The following RCC2 variants were observed in gnomAD, a reference collection of about 807,000 sequenced individuals.
RCC2 encodes protein RCC2.
Under a neutral mutation model 64.1 loss-of-function variants are expected in RCC2, and 19 were observed. The ratio of observed to expected loss-of-function variants is 0.30; its 90% CI spans 0.21 to 0.44. The LOEUF (loss-of-function observed/expected upper bound fraction) is 0.44. Among genes scored for constraint, RCC2 ranks in the 20% least tolerant of loss-of-function variants. The pLI is 1.00. For synonymous variants in RCC2, 325 were observed against 279.6 expected, an observed-to-expected ratio of 1.16 and a Z score of -1.62; for missense variants, 508 against 710.4, an observed-to-expected ratio of 0.72 and a Z score of 3.24.
rs775426603 is a variant in RCC2 at position 17,409,097 on chromosome 1, G to T, written c.1562C>A (p.Thr521Asn). 3.7e-6 allele frequency: 6 copies of T among 1,611,158 alleles called. No homozygotes were observed. The highest frequency in any genetic ancestry group is 5.1e-6 in the Non-Finnish European group (6 of 1,177,322). Residue 521 changes from threonine to asparagine, a missense_variant, in exon 13 of 13, where the codon ACC becomes AAC. Transcript: ENST00000375436. ...IKKLPEYNPR[T>N]L ...GAGGAGTCTCCGGGAGCATCAGAGG[G>T]TTCGGGGGTTGTATTCTGGCAGTTT...
intron 3 of RCC2, 80 bp downstream of exon 3, chr1:17,429,026 G>A: frequency 9.2e-7 from 1 of 1,086,650 alleles, no homozygotes; most frequent in Non-Finnish European, 1.4e-6. Context: ...TAAATGAAGG[G>A]AATACCTACC....
intron 8 of RCC2, among the ~76,000 whole-genome samples, chr1:17,415,549 A>C (rs1451667055): frequency 1.3e-5 from 2 of 150,146 alleles, no homozygotes; most frequent in African/African-American, 4.9e-5. Context: ...CATCTCTACT[A>C]AAAATACAAA....
chr1:17,429,931 C>T (rs888479262), intron 2 of RCC2, among the ~76,000 whole-genome samples: 6 of 152,206 alleles, frequency 3.9e-5, no homozygotes, highest in Admixed American at 3.9e-4. Flanking sequence ...AACACAAAGT[C>T]ATCAGGGCCA....
At chr1:17,430,614 C>T (rs1373078001) in intron 2 of RCC2, among the ~76,000 whole-genome samples, 1 of 152,122 alleles carries the variant, frequency 6.6e-6, no homozygotes, top group African/African-American at 2.4e-5. Flanking sequence ...GGTAAAACCC[C>T]GTCTCTACTA....
At position 17,412,168 on chromosome 1, in the gene RCC2, T is replaced by C; in HGVS notation, c.1340A>G (p.Asp447Gly). 6.2e-7 allele frequency: 1 copy of C among 1,614,116 alleles called. No individual in the cohort carries two copies. Among genetic ancestry groups the C allele is most frequent in the Non-Finnish European group, 8.5e-7 (1 of 1,180,016 alleles). Residue 447 changes from aspartate (D) to glycine (G), a missense_variant, in exon 11 of 13, where the codon GAT becomes GGT. Asp to Gly is a moderately conservative substitution (Grantham distance 94). Around this residue, in one of 4 missense-constraint regions of RCC2, gnomAD observed 179 missense variants for 322.0 expected, o/e 0.56. Coordinates refer to ENST00000375436, the MANE Select transcript of RCC2 (RefSeq NM_018715.4). ...CGKSSIIVAA[D>G]ESTISWGPSP... ...CGGACCCCAGCTGATGGTGCTCTCA[T>C]CGGCGGCCACAATGATGCTGCTCTT...
chr1:17,427,860 C>T (rs1047785079), intron 3 of RCC2, among the ~76,000 whole-genome samples: 19 of 152,128 alleles, frequency 1.2e-4, no homozygotes, highest in Admixed American at 2.0e-4. Context: ...TCAAATTAAA[C>T]GCCCTGCAGC....
intron 2 of RCC2, among the ~76,000 whole-genome samples, chr1:17,431,840 C>T (rs535533780): frequency 1.1e-4 from 16 of 151,628 alleles, no homozygotes; most frequent in Non-Finnish European, 2.1e-4. Flanking sequence ...GCTCATGGCC[C>T]GTCATCCCAG....
intron 1 of RCC2, among the ~76,000 whole-genome samples, chr1:17,438,988 T>C (rs3121622): frequency 0.66 from 98,586 of 150,240 alleles, 32,546 homozygotes; most frequent in African/African-American, 0.72. Context: ...GTCTCCGCAG[T>C]CTCCCCCCAA....
intron 7 of RCC2, among the ~76,000 whole-genome samples, chr1:17,419,461 C>A (rs2100366600): frequency 6.6e-6 from 1 of 152,322 alleles, no homozygotes; most frequent in Admixed American, 6.5e-5. Context: ...GATTTAGGTT[C>A]ATTCTAAAAG....
intron 7 of RCC2, among the ~76,000 whole-genome samples, chr1:17,419,046 G>A (rs919809913): frequency 1.3e-5 from 2 of 152,100 alleles, no homozygotes; most frequent in Non-Finnish European, 2.9e-5. Flanking sequence ...AGGGGTGACA[G>A]CTCTTTAAAA....
chr1:17,438,534 C>G lies in RCC2; in HGVS notation c.-8-12G>C. 7.6e-7 allele frequency: 1 copy of G among 1,321,410 alleles called. No individual in the cohort carries two copies. The highest frequency in any genetic ancestry group is 9.6e-7 in the Non-Finnish European group (1 of 1,037,204). 81.9% of individuals were successfully genotyped at this position (1,321,410 alleles called of 1,614,324 possible). Reference sequence around the variant, plus strand: ...GGGCATGGTCGCGGCTGGAGGGAGACACGGGGCAGCGGCGCACAATGGACG... The same window carrying G: ...GGGCATGGTCGCGGCTGGAGGGAGAGACGGGGCAGCGGCGCACAATGGACG... On this transcript the variant is annotated splice_polypyrimidine_tract_variant and intron_variant, in intron 1 of 12. Transcript: ENST00000375436.
chr1:17,423,887 G>A (rs572330029), intron 4 of RCC2, among the ~76,000 whole-genome samples: 1 of 152,328 alleles, frequency 6.6e-6, no homozygotes, highest in East Asian at 1.9e-4. Context: ...CCTGGAGAAG[G>A]CTTGCAGGAG....
intron 1 of RCC2, 59 bp from the exon 2 acceptor site, chr1:17,438,581 A>C (rs1446815805): frequency 7.9e-7 from 1 of 1,262,792 alleles, no homozygotes; most frequent in Non-Finnish European, 1.0e-6. Context: ...GCGCGGGGGG[A>C]GGGGAGCGGA....
chr1:17,438,541 C>T lies in RCC2; in HGVS notation c.-8-19G>A. 7.6e-7 allele frequency: 1 copy of T among 1,308,946 alleles called. No individual in the cohort carries two copies. Among genetic ancestry groups the T allele is most frequent in the African/African-American group, 1.5e-5 (1 of 66,256 alleles). 81.1% of individuals were successfully genotyped at this position (1,308,946 alleles called of 1,614,324 possible). ...GTCGCGGCTGGAGGGAGACACGGGG[C>T]AGCGGCGCACAATGGACGGGTTATA... On this transcript the variant is annotated intron_variant, in intron 1 of 12. Transcript: ENST00000375436.
chr1:17,418,812 G>A (rs115437209), intron 7 of RCC2, among the ~76,000 whole-genome samples: 1,828 of 152,264 alleles, frequency 0.012, 34 homozygotes, highest in African/African-American at 0.042. Flanking sequence ...GCACTCTTCC[G>A]GACAAGGTTT....
intron 6 of RCC2, 27 bp from the exon 7 acceptor site, chr1:17,420,855 A>T (rs1557626330): frequency 1.4e-6 from 2 of 1,451,522 alleles, no homozygotes; most frequent in Non-Finnish European, 1.9e-6. Flanking sequence ...GGAGACTTTC[A>T]TTTTTTTTAA....
intron 11 of RCC2, among the ~76,000 whole-genome samples, chr1:17,411,391 C>T (rs2075422859): frequency 6.6e-6 from 1 of 152,112 alleles, no homozygotes; most frequent in Non-Finnish European, 1.5e-5. Context: ...GCCTGGCCAA[C>T]ATGGTGAAAC....
Position 17,412,210 on chromosome 1 carries a change from C to T in RCC2, c.1314-16G>A. The T allele has an allele frequency of 6.2e-7, 1 of 1,613,822 alleles. No individual in the cohort carries two copies. The highest frequency in any genetic ancestry group is 2.2e-5 in the East Asian group (1 of 44,878). On this transcript the variant is annotated splice_polypyrimidine_tract_variant and intron_variant, in intron 10 of 12. Transcript: ENST00000375436. Reference sequence around the variant, plus strand: ...GCTGCTCTTCCTGCAAACAGGCAGGCTGTCACTGCAGGGCCAGCAGCCCCA... The same window carrying T: ...GCTGCTCTTCCTGCAAACAGGCAGGTTGTCACTGCAGGGCCAGCAGCCCCA...
intron 1 of RCC2, 109 bp from the exon 2 acceptor site, chr1:17,438,631 CA>C: frequency 8.9e-7 from 1 of 1,129,568 alleles, no homozygotes; most frequent in Non-Finnish European, 1.1e-6. Flanking sequence ...CTGCCCTCCC[CA>C]AAGTGGCGGC....
Sources: gnomAD v4.1 joint callset for allele counts (sites outside exome capture counted in the v4.1 genomes callset) on GRCh38, gnomAD v4.1.1 for gene constraint, gnomAD v4.1.1 regional missense constraint, MANE v1.5 for transcripts, NCBI Gene and HGNC (gene_info 2026-07-23, HGNC 2026-07-21) for gene names.